The following CARMIL1 variants were observed in gnomAD, a reference collection of about 807,000 sequenced individuals.
The protein encoded by CARMIL1 is F-actin-uncapping protein LRRC16A.
Under a neutral mutation model 177.1 loss-of-function variants are expected in CARMIL1, and 90 were observed. That is an observed-to-expected ratio of 0.51 (90% CI 0.43 to 0.61). The LOEUF is 0.61. Ranked by LOEUF, CARMIL1 falls within the 20% of genes least tolerant of loss-of-function variation. CARMIL1 has a pLI of 0.00. For synonymous variants in CARMIL1, 577 were observed against 606.2 expected (o/e 0.95, Z 0.71); for missense variants, 1,380 against 1,667.0 (o/e 0.83, Z 3.00).
At chr6:25,390,320 A>ATATATATATATATATATTTTTTTT (rs1554184839) in intron 2 of CARMIL1, among the ~76,000 whole-genome samples, 3 of 58,106 alleles carry the variant, frequency 5.2e-5, no homozygotes, top group Non-Finnish European at 1.0e-4. Flanking sequence ...ATATATATAT[A>ATATATATATATATATATTTTTTTT]TTTTTTTTTT....
At chr6:25,443,872 C>A (rs113052971) in intron 5 of CARMIL1, among the ~76,000 whole-genome samples, 1 of 151,796 alleles carries the variant, frequency 6.6e-6, no homozygotes, top group African/African-American at 2.4e-5. Flanking sequence ...GGCACGATCT[C>A]GGCTCACTGC....
At chr6:25,513,984 C>T (rs1805709035) in intron 20 of CARMIL1, among the ~76,000 whole-genome samples, 1 of 152,162 alleles carries the variant, frequency 6.6e-6, no homozygotes, top group Non-Finnish European at 1.5e-5. Context: ...ACCTGGAATT[C>T]TTAACCCCAC....
intron 3 of CARMIL1, 128 bp from the exon 4 acceptor site, chr6:25,426,373 C>T (rs1301526067): frequency 5.3e-6 from 3 of 570,674 alleles, no homozygotes; most frequent in African/African-American, 3.8e-5. Flanking sequence ...AGAAGATGCC[C>T]AGTGTCTTAT....
chr6:25,540,688 T>C (rs930648655), intron 26 of CARMIL1, among the ~76,000 whole-genome samples: 1 of 152,156 alleles, frequency 6.6e-6, no homozygotes, highest in South Asian at 2.1e-4. Flanking sequence ...ACTAGATAAA[T>C]TTCACATTCA....
chr6:25,284,835 A>G lies in CARMIL1; in HGVS notation c.64A>G (p.Arg22Gly). The part of the protein sequence containing the change: ...LIESIKDVIG[R>G]KIKISVKKKV... Reference sequence around the variant, plus strand: ...AGAAAGCATAAAGGATGTTATTGGCAGAAAGATAAAAATTTCAGTGAAGAA... The same window carrying G: ...AGAAAGCATAAAGGATGTTATTGGCGGAAAGATAAAAATTTCAGTGAAGAA... The change falls in exon 2 of 37, where the codon AGA becomes GGA. Residue 22 changes from arginine to glycine, a missense_variant. Coordinates refer to ENST00000329474, the MANE Select transcript of CARMIL1 (RefSeq NM_017640.6). 6.4e-7 allele frequency: 1 copy of G among 1,561,678 alleles called. No individual in the cohort carries two copies. Among genetic ancestry groups the G allele is most frequent in the Non-Finnish European group, 8.7e-7 (1 of 1,149,028 alleles).
At chr6:25,594,602 G>A (rs1217162116) in intron 32 of CARMIL1, 75 bp downstream of exon 32, 1 of 832,154 alleles carries the variant, frequency 1.2e-6, no homozygotes, top group African/African-American at 1.7e-5. Context: ...ATTAAACTTA[G>A]TATACTAAGT....
chr6:25,392,647 T>A (rs1792983614), intron 2 of CARMIL1, among the ~76,000 whole-genome samples: 1 of 152,216 alleles, frequency 6.6e-6, no homozygotes, highest in South Asian at 2.1e-4. Context: ...TGTGAATGGA[T>A]GTCATGCTAG....
chr6:25,459,266 C>CTTTCTTTTCTT, intron 8 of CARMIL1, among the ~76,000 whole-genome samples: 1 of 73,754 alleles, frequency 1.4e-5, no homozygotes, highest in Admixed American at 1.6e-4. Flanking sequence ...TTCTTTCTTT[C>CTTTCTTTTCTT]TTTTTTTTTT....
intron 2 of CARMIL1, among the ~76,000 whole-genome samples, chr6:25,310,389 T>TG (rs1450564102): frequency 6.6e-6 from 1 of 152,264 alleles, no homozygotes; most frequent in African/African-American, 2.4e-5. Flanking sequence ...AAACTGCAGC[T>TG]GATCACCCAT....
chr6:25,471,403 T>C, intron 10 of CARMIL1, 146 bp downstream of exon 10: 1 of 564,270 alleles, frequency 1.8e-6, no homozygotes, highest in Non-Finnish European at 3.0e-6. Flanking sequence ...AATATCCCTA[T>C]AATTGCCATC....
At chr6:25,582,636 C>T (rs1813230125) in intron 31 of CARMIL1, among the ~76,000 whole-genome samples, 1 of 152,160 alleles carries the variant, frequency 6.6e-6, no homozygotes, top group South Asian at 2.1e-4. Context: ...TAGGCTACCT[C>T]CCATCCTGAG....
chr6:25,313,695 T>TATATATGTGTATATATATATATA, intron 2 of CARMIL1, among the ~76,000 whole-genome samples: 2 of 119,010 alleles, frequency 1.7e-5, no homozygotes, highest in African/African-American at 8.4e-5. Flanking sequence ...ATATATACAG[T>TATATATGTGTATATATATATATA]TATTTGGGAG....
chr6:25,464,111 T>C (rs301398), intron 8 of CARMIL1, among the ~76,000 whole-genome samples: 129,080 of 152,114 alleles, frequency 0.85, 54,918 homozygotes, highest in East Asian at 0.91. Flanking sequence ...CGTGAGCCAC[T>C]GCGCCCGGCC....
chr6:25,472,085 A>G (rs2150942360), intron 10 of CARMIL1, among the ~76,000 whole-genome samples: 1 of 152,266 alleles, frequency 6.6e-6, no homozygotes, highest in East Asian at 1.9e-4. Context: ...TGTGGTGAAT[A>G]CTATAATTTT....
intron 10 of CARMIL1, 62 bp from the exon 11 acceptor site, chr6:25,472,365 A>C (rs1801162572): frequency 4.4e-6 from 5 of 1,144,174 alleles, no homozygotes; most frequent in Non-Finnish European, 3.9e-6. Context: ...CTAAGCTTTA[A>C]ATGTTCCGTT....
At chr6:25,485,135 T>C (rs1802503057) in intron 12 of CARMIL1, among the ~76,000 whole-genome samples, 1 of 152,200 alleles carries the variant, frequency 6.6e-6, no homozygotes, top group African/African-American at 2.4e-5. Flanking sequence ...TAAAAGGATG[T>C]AGTCATCATT....
chr6:25,379,865 A>C (rs1791356551), intron 2 of CARMIL1, among the ~76,000 whole-genome samples: 1 of 152,088 alleles, frequency 6.6e-6, no homozygotes, highest in African/African-American at 2.4e-5. Flanking sequence ...TACCACATTT[A>C]CTCAATATGT....
chr6:25,523,715 C>G (rs536040178), intron 23 of CARMIL1, among the ~76,000 whole-genome samples: 17 of 152,274 alleles, frequency 1.1e-4, no homozygotes, highest in African/African-American at 4.1e-4. Context: ...TTTCTTAGAT[C>G]TGTCAAAGAA....
At chr6:25,346,057 G>T (rs570864676) in intron 2 of CARMIL1, among the ~76,000 whole-genome samples, 18 of 152,264 alleles carry the variant, frequency 1.2e-4, no homozygotes, top group Admixed American at 1.0e-3. Flanking sequence ...TTTTCACCTG[G>T]ATTAGGAGAG....
Sources: gnomAD v4.1 joint callset for allele counts (sites outside exome capture counted in the v4.1 genomes callset) on GRCh38, gnomAD v4.1.1 for gene constraint, MANE v1.5 for transcripts, NCBI Gene and HGNC (gene_info 2026-07-23, HGNC 2026-07-21) for gene names.